Variants in HIGD1C observed in about 807,000 individuals in gnomAD.
HIGD1C encodes the protein HIG1 hypoxia inducible domain family member 1C.
A neutral mutation model predicts 13.1 loss-of-function variants in HIGD1C; 11 were observed. The observed-to-expected ratio is 0.84, with a 90% CI of 0.53 to 1.39. HIGD1C has a LOEUF of 1.39. HIGD1C is among the 40% of genes most tolerant of loss of function. The pLI is 0.00. For synonymous variants in HIGD1C, 36 were observed against 37.7 expected (o/e 0.95, Z 0.17); for missense variants, 110 against 112.0 (o/e 0.98, Z 0.08).
At chr12:50,945,279 A>C in the HIGD1C span, among the ~76,000 whole-genome samples, 1 of 152,202 alleles carries the variant, frequency 6.6e-6, no homozygotes, top group Admixed American at 6.5e-5. Context: ...AGTTAGGAAA[A>C]GAGGAAGTCA....
At chr12:50,938,272 G>A in the HIGD1C span, among the ~76,000 whole-genome samples, 4 of 152,020 alleles carry the variant, frequency 2.6e-5, no homozygotes, top group Non-Finnish European at 5.9e-5. Context: ...GCTGGCAGGA[G>A]GCTGGCGTGT....
the HIGD1C span, among the ~76,000 whole-genome samples, chr12:50,946,446 A>G: frequency 6.6e-6 from 1 of 152,262 alleles, no homozygotes; most frequent in Non-Finnish European, 1.5e-5. Flanking sequence ...TTCTCAAAAG[A>G]AGACATTTAT....
At chr12:50,956,421 A>T (rs1038401454) in intron 1 of HIGD1C, among the ~76,000 whole-genome samples, 1 of 152,198 alleles carries the variant, frequency 6.6e-6, no homozygotes, top group Non-Finnish European at 1.5e-5. Flanking sequence ...ATATCATTGA[A>T]TAATTTGTTT....
chr12:50,935,110 C>T, the HIGD1C span: 5 of 152,134 alleles, frequency 3.3e-5, no homozygotes, highest in Admixed American at 2.6e-4. Flanking sequence ...TTAGAAAACA[C>T]AGAACTTAAC....
chr12:50,939,966 A>G, the HIGD1C span: 1 of 151,736 alleles, frequency 6.6e-6, no homozygotes, highest in African/African-American at 2.4e-5. Context: ...TGGAGGAGGA[A>G]CAAAAATCTA....
chr12:50,945,764 C>T, the HIGD1C span, among the ~76,000 whole-genome samples: 1 of 152,208 alleles, frequency 6.6e-6, no homozygotes, highest in Non-Finnish European at 1.5e-5. Context: ...AAAGAGCCCA[C>T]ATTGCTAAGA....
At chr12:50,969,861 C>T (rs1438182119) in intron 2 of HIGD1C, among the ~76,000 whole-genome samples, 3 of 152,112 alleles carry the variant, frequency 2.0e-5, no homozygotes, top group Non-Finnish European at 4.4e-5. Context: ...AAATCTGTGA[C>T]TCCCTAACTT....
the HIGD1C span, among the ~76,000 whole-genome samples, chr12:50,945,543 AAGG>A: frequency 3.3e-5 from 5 of 152,266 alleles, no homozygotes; most frequent in African/African-American, 1.2e-4. Context: ...GGACCTCTCC[AAGG>A]AGAACTACAA....
intron 2 of HIGD1C, among the ~76,000 whole-genome samples, chr12:50,964,734 G>T (rs73092537): frequency 0.17 from 25,525 of 152,220 alleles, 2,562 homozygotes; most frequent in East Asian, 0.5. Context: ...AAAAGCAAAT[G>T]TTATGTTGAT....
At chr12:50,954,155 C>T in intron 1 of HIGD1C, 63 bp downstream of exon 3, 1 of 951,606 alleles carries the variant, frequency 1.1e-6, no homozygotes. Flanking sequence ...TTACCCAGTG[C>T]CTTTGCGGAT....
chr12:50,938,780 C>G, the HIGD1C span, among the ~76,000 whole-genome samples: 2 of 152,178 alleles, frequency 1.3e-5, no homozygotes, highest in Non-Finnish European at 2.9e-5. Flanking sequence ...GCTGGAATGA[C>G]AAACCATTTG....
At chr12:50,969,834 T>C (rs1178295991) in intron 2 of HIGD1C, among the ~76,000 whole-genome samples, 1 of 152,122 alleles carries the variant, frequency 6.6e-6, no homozygotes, top group African/African-American at 2.4e-5. Flanking sequence ...GTGGTGGTGG[T>C]ATGTGAGTTG....
the HIGD1C span, among the ~76,000 whole-genome samples, chr12:50,947,283 C>A: frequency 5.3e-5 from 8 of 152,206 alleles, no homozygotes; most frequent in South Asian, 1.7e-3. Context: ...ACAAACTTTT[C>A]ATGTGACAAC....
At chr12:50,961,511 G>C (rs1365185391) in intron 2 of HIGD1C, among the ~76,000 whole-genome samples, 1 of 145,242 alleles carries the variant, frequency 6.9e-6, no homozygotes, top group African/African-American at 2.5e-5. Context: ...TTAGGAAGAA[G>C]ACATTTTTAG....
exon 2 of HIGD1C, chr12:50,961,006 T>C: frequency 6.2e-7 from 1 of 1,608,338 alleles, no homozygotes; most frequent in Non-Finnish European, 8.5e-7. Flanking sequence ...CTGTGGTCTT[T>C]ACAAGCTAAA....
the HIGD1C span, among the ~76,000 whole-genome samples, chr12:50,943,876 A>G: frequency 2.0e-5 from 3 of 152,140 alleles, no homozygotes; most frequent in Non-Finnish European, 4.4e-5. Context: ...ATATCCTTAT[A>G]TCATATCTGT....
chr12:50,954,161 C>T (rs928738691), intron 1 of HIGD1C, 69 bp downstream of exon 3: 8 of 901,594 alleles, frequency 8.9e-6, no homozygotes, highest in East Asian at 5.0e-5. Flanking sequence ...AGTGCCTTTG[C>T]GGATTGAAAT....
chr12:50,940,576 T>A, the HIGD1C span, among the ~76,000 whole-genome samples: 1 of 151,820 alleles, frequency 6.6e-6, no homozygotes, highest in Non-Finnish European at 1.5e-5. Flanking sequence ...TTTCAAAAAT[T>A]AGCCGGGTCT....
the HIGD1C span, among the ~76,000 whole-genome samples, chr12:50,945,662 A>G: frequency 1.3e-5 from 2 of 152,192 alleles, no homozygotes; most frequent in Non-Finnish European, 2.9e-5. Context: ...TGCCCAAGGT[A>G]ATTTATAGAT....
Sources: gnomAD v4.1 joint callset for allele counts (sites outside exome capture counted in the v4.1 genomes callset) on GRCh38, gnomAD v4.1.1 for gene constraint, MANE v1.5 for transcripts, NCBI Gene and HGNC (gene_info 2026-07-23, HGNC 2026-07-21) for gene names.